Variants in TEKT5 observed in about 807,000 individuals in gnomAD.
The protein encoded by TEKT5 is tektin-5.
In TEKT5, 52 loss-of-function variants were observed where a neutral mutation model predicts 48.7. The observed-to-expected ratio is 1.07, with a 90% confidence interval of 0.86 to 1.35. The LOEUF (loss-of-function observed/expected upper bound fraction) is 1.35. Among genes scored for constraint, TEKT5 ranks in the 40% most tolerant of loss-of-function variants. The pLI is 0.00. For synonymous variants in TEKT5, 318 were observed against 267.6 expected (o/e 1.19, Z -1.84); for missense variants, 831 against 641.6 (o/e 1.30, Z -3.19).
chr16:10,642,338 T>C (rs1340775776), intron 5 of TEKT5, among the ~76,000 whole-genome samples: 1 of 152,124 alleles, frequency 6.6e-6, no homozygotes, highest in Non-Finnish European at 1.5e-5. Context: ...CAGGCCACAG[T>C]ACACCTGCTC....
intron 3 of TEKT5, 87 bp downstream of exon 3, chr16:10,689,166 T>C (rs1330547786): frequency 9.7e-6 from 10 of 1,026,904 alleles, no homozygotes; most frequent in East Asian, 2.6e-5. Flanking sequence ...CAGAGACAAG[T>C]GGGCCCATCT....
At chr16:10,655,198 C>G (rs1201166831) in intron 5 of TEKT5, among the ~76,000 whole-genome samples, 2 of 152,094 alleles carry the variant, frequency 1.3e-5, no homozygotes, top group South Asian at 4.1e-4. Context: ...GAACGGGTAA[C>G]TCAAAAGCCC....
intron 5 of TEKT5, among the ~76,000 whole-genome samples, chr16:10,644,247 T>C (rs1898037210): frequency 6.6e-6 from 1 of 152,106 alleles, no homozygotes; most frequent in African/African-American, 2.4e-5. Context: ...TGTGAGAAAG[T>C]GAGTCAGTGA....
At chr16:10,674,595 G>A (rs1898609485) in intron 5 of TEKT5, among the ~76,000 whole-genome samples, 1 of 125,612 alleles carries the variant, frequency 8.0e-6, no homozygotes, top group African/African-American at 3.2e-5. Flanking sequence ...TCCAGCCTGG[G>A]CAACAGAGCA....
At chr16:10,639,452 C>A (rs1023320440) in intron 5 of TEKT5, among the ~76,000 whole-genome samples, 2 of 152,104 alleles carry the variant, frequency 1.3e-5, no homozygotes, top group African/African-American at 4.8e-5. Flanking sequence ...CTTGGTATCA[C>A]CACTATACCT....
intron 1 of TEKT5, among the ~76,000 whole-genome samples, chr16:10,691,567 T>C (rs769438680): frequency 7.2e-5 from 11 of 152,054 alleles, no homozygotes; most frequent in South Asian, 2.1e-4. Context: ...CAGGAAGCCA[T>C]TGGCCCTGGA....
chr16:10,664,850 G>C (rs536744983), intron 5 of TEKT5, among the ~76,000 whole-genome samples: 5 of 152,310 alleles, frequency 3.3e-5, no homozygotes, highest in African/African-American at 1.2e-4. Flanking sequence ...GCAGACCATA[G>C]CTTTGTACTA....
intron 4 of TEKT5, among the ~76,000 whole-genome samples, chr16:10,676,986 C>A (rs1188080963): frequency 6.6e-6 from 1 of 152,172 alleles, no homozygotes; most frequent in East Asian, 1.9e-4. Context: ...GAGTTCAAGA[C>A]CACACTGGGC....
intron 6 of TEKT5, among the ~76,000 whole-genome samples, chr16:10,630,161 C>T (rs988330410): frequency 6.6e-6 from 1 of 151,902 alleles, no homozygotes; most frequent in East Asian, 1.9e-4. Context: ...CTCAAACTCC[C>T]GGGCTCAAGC....
At chr16:10,647,399 G>T (rs1898086873) in intron 5 of TEKT5, among the ~76,000 whole-genome samples, 1 of 151,576 alleles carries the variant, frequency 6.6e-6, no homozygotes, top group East Asian at 1.9e-4. Flanking sequence ...TTAAGCCTGG[G>T]ATGTCGAGGC....
chr16:10,628,723 G>A (rs1430576964), intron 6 of TEKT5, among the ~76,000 whole-genome samples: 7 of 152,036 alleles, frequency 4.6e-5, no homozygotes. Context: ...TGGCCAACAT[G>A]GTGAAACCCC....
chr16:10,652,858 C>CAG (rs1898190439), intron 5 of TEKT5, among the ~76,000 whole-genome samples: 1 of 55,910 alleles, frequency 1.8e-5, no homozygotes, highest in Admixed American at 1.6e-4. Context: ...CACACACACA[C>CAG]ACACACACAC....
chr16:10,679,126 G>A (rs1192720392), intron 4 of TEKT5, among the ~76,000 whole-genome samples: 1 of 152,160 alleles, frequency 6.6e-6, no homozygotes, highest in Non-Finnish European at 1.5e-5. Context: ...GTTGCTGAGT[G>A]TTTAAATGTG....
At chr16:10,685,219 TTCTC>T (rs1196888776) in intron 3 of TEKT5, among the ~76,000 whole-genome samples, 1 of 152,092 alleles carries the variant, frequency 6.6e-6, no homozygotes, top group Admixed American at 6.6e-5. Context: ...TGTGCTTGCT[TTCTC>T]TCTCTCCTGC....
In TEKT5 at chr16:10,689,366, TCA is replaced by T. The variant is rs568256928; in HGVS notation, c.649-45_649-44del. 506 of 1,516,674 alleles carry T rather than the reference TCA, an allele frequency of 3.3e-4. 2 individuals carry two copies. The African/African-American group carries it at 6.2e-3, about 18-fold the overall frequency. The allele number at this position is 1,516,674 out of a possible 1,614,324, so 94.0% of individuals were successfully genotyped here. The stretch of plus-strand genomic sequence containing the variant: ...AGAAAGAGCAGTGCCTCTTAGAACC[TCA>T]CAGTCTTCTCTCCCAGGCCAGAGCC... On this transcript the variant is annotated intron_variant, in intron 2 of 6. Transcript: ENST00000283025.
chr16:10,678,644 A>G (rs12918979), intron 4 of TEKT5, among the ~76,000 whole-genome samples: 15,696 of 152,180 alleles, frequency 0.1, 843 homozygotes, highest in Non-Finnish European at 0.12. Context: ...CCATCCCAGG[A>G]CACTGAGGAA....
chr16:10,635,293 T>C (rs998910323), intron 6 of TEKT5, among the ~76,000 whole-genome samples: 1 of 150,466 alleles, frequency 6.6e-6, no homozygotes, highest in African/African-American at 2.4e-5. Context: ...ATGGGTGGGA[T>C]CCACCAGCCA....
intron 6 of TEKT5, among the ~76,000 whole-genome samples, chr16:10,632,614 A>G (rs988226790): frequency 6.6e-6 from 1 of 152,064 alleles, no homozygotes; most frequent in Non-Finnish European, 1.5e-5. Flanking sequence ...TCAATTTTAA[A>G]TGGACTTTCT....
chr16:10,667,657 T>A (rs555350094), intron 5 of TEKT5, among the ~76,000 whole-genome samples: 1 of 152,308 alleles, frequency 6.6e-6, no homozygotes, highest in Non-Finnish European at 1.5e-5. Context: ...CTTTTAACAT[T>A]CCCAAATTTC....
Sources: allele counts gnomAD v4.1 joint callset (sites outside exome capture counted in the v4.1 genomes callset), GRCh38; gene constraint gnomAD v4.1.1; transcripts MANE v1.5; gene names NCBI Gene and HGNC (gene_info 2026-07-23, HGNC 2026-07-21).